Variants in ZNF184 observed in about 807,000 individuals in gnomAD.
ZNF184 encodes zinc finger protein 184, also known as zinc finger protein 184 (Kruppel-like).
In ZNF184, 16 loss-of-function variants were observed where a neutral mutation model predicts 54.4. The observed-to-expected ratio is 0.29, with a 90% confidence interval of 0.20 to 0.45. The LOEUF is 0.45. ZNF184 is among the 20% of genes least tolerant of loss of function. The probability of loss-of-function intolerance (pLI) is 1.00; values close to 1 mark genes in which losing one functional copy is unlikely to be tolerated. For missense variants in ZNF184, 681 were observed against 888.2 expected, an observed-to-expected ratio of 0.77 and a Z score of 2.97; for synonymous variants, 254 against 295.3, an observed-to-expected ratio of 0.86 and a Z score of 1.43.
the ZNF184 span, among the ~76,000 whole-genome samples, chr6:27,441,551 T>C: frequency 8.2e-3 from 1,151 of 139,870 alleles, 18 homozygotes; most frequent in African/African-American, 0.027. Context: ...CCACTTTCTA[T>C]ATGATTGACC....
In ZNF184 at chr6:27,453,155, G is replaced by A. The variant is rs367705114; in HGVS notation, c.404C>T (p.Ser135Phe). 1 of 1,614,064 alleles carries A rather than the reference G, an allele frequency of 6.2e-7. No individual in the cohort carries two copies. ...VIVEKHKRDDSWSSNLLESWE... is the reference protein window; with the variant it reads ...VIVEKHKRDDFWSSNLLESWE... ...ACTTTCTAGCAAGTTGGAACTCCAA[G>A]AATCATCTCTTTTGTGTTTTTCCAC... is the stretch of plus-strand genomic sequence containing the variant. Residue 135 changes from serine to phenylalanine, a missense_variant, in exon 6 of 6, where the codon TCT becomes TTT. Ser to Phe is a radical substitution (Grantham distance 155, BLOSUM62 -2). Transcript: ENST00000683788. The surrounding 1 kb of genome is among the most constrained non-coding windows in gnomAD (Gnocchi z 4.7).
chr6:27,442,870 GAAAGAAAGAAAAAGAAA>G, the ZNF184 span, among the ~76,000 whole-genome samples: 8 of 30,692 alleles, frequency 2.6e-4, 2 homozygotes, highest in Admixed American at 8.4e-4. Context: ...AAGAAAGAAA[GAAAGAAAGAAAAAGAAA>G]AAAAGAAAGA....
the ZNF184 span, chr6:27,407,912 C>T: frequency 9.4e-7 from 1 of 1,067,810 alleles, no homozygotes; most frequent in East Asian, 2.4e-5. Context: ...AGCTGATTAA[C>T]ATAAGAGATG....
At chr6:27,449,761 G>GAA (rs148643914), downstream of ZNF184, among the ~76,000 whole-genome samples, 1 of 144,934 alleles carries the variant, frequency 6.9e-6, no homozygotes, top group Non-Finnish European at 1.5e-5. Flanking sequence ...TTAAATTAAA[G>GAA]AAAAAAAAAA....
At chr6:27,426,513 C>T in the ZNF184 span, among the ~76,000 whole-genome samples, 1 of 152,194 alleles carries the variant, frequency 6.6e-6, no homozygotes, top group East Asian at 1.9e-4. This position sits in a 1 kb window ranked among gnomAD's most constrained non-coding sequence, Gnocchi z 4.2. Context: ...CACTTAGCTC[C>T]TATCCATCCC....
chr6:27,432,994 G>C, the ZNF184 span, among the ~76,000 whole-genome samples: 1 of 152,238 alleles, frequency 6.6e-6, no homozygotes, highest in South Asian at 2.1e-4. The surrounding 1 kb of genome is among the most constrained non-coding windows in gnomAD (Gnocchi z 4.0). Context: ...GCAAAACTAG[G>C]GACTCAGCAG....
At chr6:27,462,382 T>A (rs1291831842) in intron 3 of ZNF184, among the ~76,000 whole-genome samples, 5 of 151,782 alleles carry the variant, frequency 3.3e-5, no homozygotes, top group Non-Finnish European at 7.4e-5. Flanking sequence ...GTATTTTTAG[T>A]AGAGACGGGG....
At chr6:27,426,641 T>A in the ZNF184 span, among the ~76,000 whole-genome samples, 1 of 152,340 alleles carries the variant, frequency 6.6e-6, no homozygotes, top group East Asian at 1.9e-4. This position sits in a 1 kb window ranked among gnomAD's most constrained non-coding sequence, Gnocchi z 4.2. Flanking sequence ...CAGGTCTAGA[T>A]AAGTCCCTAC....
chr6:27,405,084 T>A, the ZNF184 span: 10 of 152,284 alleles, frequency 6.6e-5, no homozygotes, highest in East Asian at 7.7e-4. Context: ...GTATTTACCT[T>A]ACTTTTTATT....
At chr6:27,428,892 A>G in the ZNF184 span, among the ~76,000 whole-genome samples, 1 of 152,182 alleles carries the variant, frequency 6.6e-6, no homozygotes, top group Non-Finnish European at 1.5e-5. This position sits in a 1 kb window ranked among gnomAD's most constrained non-coding sequence, Gnocchi z 4.1. Context: ...ACACTCCCCC[A>G]ACTTTCATTT....
intron 3 of ZNF184, among the ~76,000 whole-genome samples, chr6:27,461,986 C>T (rs915188841): frequency 6.6e-6 from 1 of 152,104 alleles, no homozygotes; most frequent in Non-Finnish European, 1.5e-5. Context: ...GGGACCAGAA[C>T]CAGCACTCAA....
At chr6:27,409,498 C>CAAAAAAA in the ZNF184 span, among the ~76,000 whole-genome samples, 34 of 39,360 alleles carry the variant, frequency 8.6e-4, no homozygotes, top group Non-Finnish European at 1.2e-3. Flanking sequence ...GACTCCGTCT[C>CAAAAAAA]AAAAAAAAAA....
chr6:27,424,474 G>T, the ZNF184 span, among the ~76,000 whole-genome samples: 1 of 152,134 alleles, frequency 6.6e-6, no homozygotes, highest in Non-Finnish European at 1.5e-5. Flanking sequence ...ACAGGGCGCT[G>T]ATTGGTGCGT....
At chr6:27,442,878 GAAAAAGAAA>G in the ZNF184 span, among the ~76,000 whole-genome samples, 4 of 25,296 alleles carry the variant, frequency 1.6e-4, no homozygotes, top group Admixed American at 5.1e-4. Flanking sequence ...AAGAAAGAAA[GAAAAAGAAA>G]AAAAGAAAGA....
At chr6:27,444,613 AG>A in the ZNF184 span, among the ~76,000 whole-genome samples, 2 of 152,128 alleles carry the variant, frequency 1.3e-5, no homozygotes, top group Admixed American at 1.3e-4. Context: ...CCCTCCCATC[AG>A]GTTTTAGTTC....
chr6:27,424,831 C>T, the ZNF184 span, among the ~76,000 whole-genome samples: 22 of 152,248 alleles, frequency 1.4e-4, no homozygotes, highest in African/African-American at 4.6e-4. Flanking sequence ...CGCCCACACT[C>T]CTCAGCCCTT....
the ZNF184 span, among the ~76,000 whole-genome samples, chr6:27,424,379 A>G: frequency 6.6e-6 from 1 of 152,202 alleles, no homozygotes. Flanking sequence ...CAGAGTTGCC[A>G]CTGCTGGCCC....
downstream of ZNF184, among the ~76,000 whole-genome samples, chr6:27,446,856 T>C (rs1762642456): frequency 6.6e-6 from 1 of 152,094 alleles, no homozygotes; most frequent in African/African-American, 2.4e-5. Context: ...CTTTAGGACT[T>C]AATGTTGGCC....
chr6:27,467,794 C>CA lies in ZNF184; in HGVS notation c.75+58dup, dbSNP rs367987363. ...GATAAATAGAAAAAACAAAACAAAA[C>CA]AAAAAACCACAATCACCCTCTAAAG... On this transcript the variant is annotated intron_variant, in intron 3 of 5. Coordinates refer to ENST00000683788, the MANE Select transcript of ZNF184 (RefSeq NM_001318891.2). The CA allele has an allele frequency of 1.7e-4, 261 of 1,516,102 alleles. 1 individual carries two copies. In the African/African-American group the frequency reaches 1.9e-3, roughly 11 times the overall value. 93.9% of individuals were successfully genotyped at this position (1,516,102 alleles called of 1,614,324 possible).
Sources: gnomAD v4.1 joint callset for allele counts (sites outside exome capture counted in the v4.1 genomes callset) on GRCh38, gnomAD v4.1.1 for gene constraint, Gnocchi (gnomAD v3.1) non-coding constraint, MANE v1.5 for transcripts, NCBI Gene and HGNC (gene_info 2026-07-23, HGNC 2026-07-21) for gene names.